Variants in AGBL4 observed in about 807,000 individuals in gnomAD.
AGBL4 encodes AGBL carboxypeptidase 4.
AGBL4 carries 58 observed loss-of-function variants against 66.4 expected under a neutral mutation model. That is an observed-to-expected ratio of 0.87 (90% CI 0.71 to 1.09). The LOEUF (loss-of-function observed/expected upper bound fraction) is 1.09. Among genes scored for constraint, AGBL4 ranks in the 50% least tolerant of loss-of-function variants. The pLI is 0.00. For synonymous variants in AGBL4, 234 were observed against 222.9 expected, an observed-to-expected ratio of 1.05 and a Z score of -0.44; for missense variants, 579 against 631.0, an observed-to-expected ratio of 0.92 and a Z score of 0.88.
At chr1:49,405,784 C>T (rs550050029) in intron 3 of AGBL4, among the ~76,000 whole-genome samples, 1 of 152,256 alleles carries the variant, frequency 6.6e-6, no homozygotes, top group South Asian at 2.1e-4. Context: ...GTGGAAGTAA[C>T]AGTAAAAAAC....
chr1:49,396,537 A>G (rs1644979296), intron 3 of AGBL4, among the ~76,000 whole-genome samples: 1 of 152,224 alleles, frequency 6.6e-6, no homozygotes, highest in Non-Finnish European at 1.5e-5. Context: ...GATTTTTAAT[A>G]GCAAAAATAT....
chr1:49,813,030 T>C (rs1645137624), intron 2 of AGBL4, among the ~76,000 whole-genome samples: 1 of 152,146 alleles, frequency 6.6e-6, no homozygotes, highest in African/African-American at 2.4e-5. Flanking sequence ...ACAATACCTG[T>C]AGAAGTGCCA....
intron 2 of AGBL4, chr1:49,842,281 G>A: frequency 2.2e-6 from 1 of 459,718 alleles, no homozygotes; most frequent in South Asian, 1.9e-5. Flanking sequence ...TCAGGCTTCT[G>A]GTCTCTGTAG....
chr1:48,752,153 C>T (rs1386420554), intron 6 of AGBL4, among the ~76,000 whole-genome samples: 2 of 152,176 alleles, frequency 1.3e-5, no homozygotes. Flanking sequence ...ATGTAAACAT[C>T]TAACTAGACA....
intron 1 of AGBL4, among the ~76,000 whole-genome samples, chr1:49,916,076 C>T (rs2148223305): frequency 6.6e-6 from 1 of 152,222 alleles, no homozygotes. Flanking sequence ...CACCAAAACC[C>T]CATCTGTACG....
At chr1:49,981,315 A>T (rs1207778603) in intron 1 of AGBL4, among the ~76,000 whole-genome samples, 2 of 152,198 alleles carry the variant, frequency 1.3e-5, no homozygotes, top group African/African-American at 4.8e-5. Context: ...ACAATATGGA[A>T]TTCCAATCGT....
intron 2 of AGBL4, among the ~76,000 whole-genome samples, chr1:49,785,884 G>GAAAAA (rs200044395): frequency 2.2e-4 from 29 of 134,352 alleles, no homozygotes; most frequent in African/African-American, 8.3e-4. Context: ...GAAATCCCAG[G>GAAAAA]AAAAAAAAAA....
intron 6 of AGBL4, among the ~76,000 whole-genome samples, chr1:48,830,390 C>T (rs1341515831): frequency 6.6e-6 from 1 of 152,152 alleles, no homozygotes; most frequent in Non-Finnish European, 1.5e-5. Context: ...TGAGGTTATA[C>T]ATGTTAAGAA....
chr1:49,192,174 A>G (rs1340059400), intron 4 of AGBL4, among the ~76,000 whole-genome samples: 1 of 152,078 alleles, frequency 6.6e-6, no homozygotes, highest in Non-Finnish European at 1.5e-5. Context: ...ATGGTATCTC[A>G]TTGTGGTTTT....
intron 6 of AGBL4, among the ~76,000 whole-genome samples, chr1:48,671,340 T>C (rs1646273438): frequency 6.6e-6 from 1 of 152,260 alleles, no homozygotes; most frequent in Non-Finnish European, 1.5e-5. Context: ...TTTGGGCTGG[T>C]CTCTGAGAAG....
chr1:48,834,144 C>A (rs935021557), intron 6 of AGBL4, among the ~76,000 whole-genome samples: 1 of 152,180 alleles, frequency 6.6e-6, no homozygotes, highest in Non-Finnish European at 1.5e-5. Flanking sequence ...TCTATGACTA[C>A]CCTAGCACTG....
At chr1:49,843,882 T>C (rs1458654128) in intron 2 of AGBL4, among the ~76,000 whole-genome samples, 2 of 152,164 alleles carry the variant, frequency 1.3e-5, no homozygotes, top group Admixed American at 1.3e-4. Context: ...AGGTCATGGC[T>C]GTGCAGAGAT....
chr1:49,006,284 G>A (rs553137158), intron 5 of AGBL4, among the ~76,000 whole-genome samples: 2 of 152,124 alleles, frequency 1.3e-5, no homozygotes, highest in Non-Finnish European at 2.9e-5. Flanking sequence ...CTGGAAAATC[G>A]GGTCACTCCC....
chr1:48,715,210 T>C (rs1647030054), intron 6 of AGBL4, among the ~76,000 whole-genome samples: 1 of 152,006 alleles, frequency 6.6e-6, no homozygotes, highest in Non-Finnish European at 1.5e-5. Flanking sequence ...CCTCTGCCTG[T>C]AATGCCACCC....
rs1572052568 is a variant in AGBL4, at chr1:50,009,641, T to C, written c.34+14122A>G. Among the ~76,000 whole-genome samples the C allele has an allele frequency of 2.0e-5, 3 of 148,402 alleles. No individual in the cohort carries two copies. The South Asian group carries it at 6.4e-4, about 32-fold the overall frequency. On this transcript the variant is annotated intron_variant, in intron 1 of 13. Transcript: ENST00000371839. ...TCACTTTCACCACTGTTATTCAACA[T>C]AGTAATGAAAGTCCTACCCAGAGCA...
chr1:49,173,263 T>C (rs1179837116), intron 4 of AGBL4, among the ~76,000 whole-genome samples: 1 of 152,192 alleles, frequency 6.6e-6, no homozygotes, highest in East Asian at 1.9e-4. Flanking sequence ...GTTTTGTTTA[T>C]ATTTGTTCAT....
At chr1:49,158,801 TC>T (rs1307554599) in intron 4 of AGBL4, among the ~76,000 whole-genome samples, 1 of 151,808 alleles carries the variant, frequency 6.6e-6, no homozygotes, top group East Asian at 1.9e-4. Flanking sequence ...TTGTTGCAGA[TC>T]CCTTTACCAT....
intron 5 of AGBL4, among the ~76,000 whole-genome samples, chr1:48,923,534 A>G (rs1654271347): frequency 6.6e-6 from 1 of 152,230 alleles, no homozygotes; most frequent in South Asian, 2.1e-4. Flanking sequence ...GACTGTTTGC[A>G]TTTCAACTCT....
chr1:48,789,294 AT>A lies in AGBL4; in HGVS notation c.634+77896del, dbSNP rs58314536. Among the ~76,000 whole-genome samples, 315 of 132,036 alleles carry A rather than the reference AT, an allele frequency of 2.4e-3. 2 individuals carry two copies. The highest frequency in any genetic ancestry group is 3.8e-3 in the Middle Eastern group (1 of 264). 86.6% of individuals were successfully genotyped at this position (132,036 alleles called of 152,430 possible). ...GCTGCGTGGATATATATATATATAT[AT>A]TTTTTTTTTTTGAGACGGCATCTCG... On this transcript the variant is annotated intron_variant, in intron 6 of 13. Transcript: ENST00000371839.
Sources: allele counts gnomAD v4.1 joint callset (sites outside exome capture counted in the v4.1 genomes callset), GRCh38; gene constraint gnomAD v4.1.1; transcripts MANE v1.5; gene names NCBI Gene and HGNC (gene_info 2026-07-23, HGNC 2026-07-21).